The following PRKN variants were observed in gnomAD, a reference collection of about 807,000 sequenced individuals.
PRKN encodes E3 ubiquitin-protein ligase parkin.
PRKN carries 56 observed loss-of-function variants against 59.5 expected under a neutral mutation model. That is an observed-to-expected ratio of 0.94 (90% CI 0.76 to 1.18). The LOEUF (loss-of-function observed/expected upper bound fraction) is 1.18, where lower values mean the gene tolerates loss of function less well. Ranked by LOEUF, PRKN falls within the 50% of genes most tolerant of loss-of-function variation. The pLI is 0.00. For missense variants in PRKN, 657 were observed against 596.4 expected (o/e 1.10, Z -1.06); for synonymous variants, 250 against 222.1 (o/e 1.13, Z -1.12).
Position 161,456,743 on chromosome 6 carries a change from A to G in PRKN, c.1084-69866T>C, listed in dbSNP as rs1007472758. Among the ~76,000 whole-genome samples, 6 of 152,166 alleles carry G rather than the reference A, an allele frequency of 3.9e-5. No homozygotes were observed. The highest frequency in any genetic ancestry group is 1.4e-4 in the African/African-American group (6 of 41,436). On this transcript the variant is annotated intron_variant, in intron 9 of 11. Coordinates refer to ENST00000366898, the MANE Select transcript of PRKN (RefSeq NM_004562.3). The surrounding 1 kb of genome is among the most constrained non-coding windows in gnomAD (Gnocchi z 4.8). ...GAATGCTGACCTGGGTCTGCTTTGT[A>G]TGGGTGGTCAGAGGGTGAAAGGGTC...
chr6:162,709,848 A>T (rs1584094289), intron 1 of PRKN, among the ~76,000 whole-genome samples: 1 of 143,486 alleles, frequency 7.0e-6, no homozygotes, highest in African/African-American at 2.6e-5. Flanking sequence ...ATATAAAAAA[A>T]TCTCCCTGGA....
chr6:162,139,992 T>A (rs540122762), intron 4 of PRKN, among the ~76,000 whole-genome samples: 1 of 152,344 alleles, frequency 6.6e-6, no homozygotes, highest in East Asian at 1.9e-4. Context: ...GGAAACTTAA[T>A]GTCACCAATG....
chr6:162,582,218 C>A (rs1780819271), intron 1 of PRKN, among the ~76,000 whole-genome samples: 1 of 152,114 alleles, frequency 6.6e-6, no homozygotes, highest in African/African-American at 2.4e-5. Flanking sequence ...GCAAAGGATG[C>A]CTTGCAGGAG....
In PRKN at chr6:161,527,172, A is replaced by G. The variant is rs1779045641; in HGVS notation, c.1083+21682T>C. On this transcript the variant is annotated intron_variant, in intron 9 of 11. Coordinates refer to ENST00000366898, the MANE Select transcript of PRKN (RefSeq NM_004562.3). The surrounding 1 kb of genome is among the most constrained non-coding windows in gnomAD (Gnocchi z 4.6). The stretch of plus-strand genomic sequence containing the variant: ...CTATGACAATTATTTTCCTTTATAG[A>G]TATAGATTTCTTTTACAAAAGAACA... Among the ~76,000 whole-genome samples the G allele has an allele frequency of 6.6e-6, 1 of 152,160 alleles. No individual in the cohort carries two copies. The highest frequency in any genetic ancestry group is 2.1e-4 in the South Asian group (1 of 4,832).
intron 9 of PRKN, among the ~76,000 whole-genome samples, chr6:161,416,353 A>G (rs1315980844): frequency 6.6e-6 from 1 of 151,974 alleles, no homozygotes; most frequent in African/African-American, 2.4e-5. Flanking sequence ...CCCCGAGGAG[A>G]GCGCACACAC....
chr6:161,923,892 C>T (rs1778872674), intron 6 of PRKN, among the ~76,000 whole-genome samples: 1 of 152,110 alleles, frequency 6.6e-6, no homozygotes, highest in African/African-American at 2.4e-5. Context: ...TTGTACTTTG[C>T]CTAGGAAAGA....
intron 1 of PRKN, among the ~76,000 whole-genome samples, chr6:162,723,948 G>T (rs890887437): frequency 6.6e-6 from 1 of 152,242 alleles, no homozygotes; most frequent in East Asian, 1.9e-4. Flanking sequence ...TCCAATGAAT[G>T]GTTTTTGTCA....
intron 7 of PRKN, among the ~76,000 whole-genome samples, chr6:161,722,054 T>C (rs1787243543): frequency 6.6e-6 from 1 of 152,170 alleles, no homozygotes; most frequent in Non-Finnish European, 1.5e-5. Flanking sequence ...TCTGGGAAAC[T>C]GGCCTCTAAA....
rs1205934813 is a variant in PRKN at position 161,849,028 on chromosome 6, G to T, written c.735-63120C>A. ...AAAGGAAAATGACTCCTCAGTGACT[G>T]TTAGCCCTCGAGGCAGTTCCAGATG... On this transcript the variant is annotated intron_variant, in intron 6 of 11. Coordinates refer to ENST00000366898, the MANE Select transcript of PRKN (RefSeq NM_004562.3). Among the ~76,000 whole-genome samples, 4 of 152,308 alleles carry T rather than the reference G, an allele frequency of 2.6e-5. No individual in the cohort carries two copies. The South Asian group carries it at 6.2e-4, about 24-fold the overall frequency.
At chr6:161,855,356 T>G (rs1236445174) in intron 6 of PRKN, among the ~76,000 whole-genome samples, 4 of 152,210 alleles carry the variant, frequency 2.6e-5, no homozygotes, top group South Asian at 4.1e-4. Context: ...CTACCCTTAT[T>G]TCTTTTATTC....
chr6:161,951,061 C>T (rs1779972629), intron 6 of PRKN, among the ~76,000 whole-genome samples: 1 of 131,784 alleles, frequency 7.6e-6, no homozygotes, highest in African/African-American at 3.1e-5. Context: ...GTTAAGTAAT[C>T]AGTCTAAAAA....
At chr6:161,808,885 G>A (rs1359740614) in intron 6 of PRKN, among the ~76,000 whole-genome samples, 1 of 152,132 alleles carries the variant, frequency 6.6e-6, no homozygotes, top group Non-Finnish European at 1.5e-5. Flanking sequence ...CTGTTGCTGA[G>A]GCTGGAGCGC....
intron 1 of PRKN, among the ~76,000 whole-genome samples, chr6:162,479,203 TA>T (rs538985562): frequency 2.3e-4 from 33 of 144,584 alleles, no homozygotes; most frequent in Non-Finnish European, 2.6e-4. Context: ...TTTTCCACCT[TA>T]AAAAAAAAAA....
intron 1 of PRKN, among the ~76,000 whole-genome samples, chr6:162,562,750 G>C (rs546537758): frequency 6.6e-6 from 1 of 152,174 alleles, no homozygotes; most frequent in African/African-American, 2.4e-5. Flanking sequence ...CCTACCCAGA[G>C]AGCCTGGCAG....
At chr6:161,758,990 A>AAG (rs1357632350) in intron 7 of PRKN, among the ~76,000 whole-genome samples, 2 of 152,136 alleles carry the variant, frequency 1.3e-5, no homozygotes, top group Non-Finnish European at 2.9e-5. Flanking sequence ...CAGCCTGGCC[A>AAG]AGATGGTGAA....
intron 3 of PRKN, among the ~76,000 whole-genome samples, chr6:162,217,560 G>T (rs541386864): frequency 6.6e-6 from 1 of 151,882 alleles, no homozygotes; most frequent in Admixed American, 6.6e-5. Flanking sequence ...AATTTTTTGT[G>T]TGTGTATTTT....
intron 9 of PRKN, among the ~76,000 whole-genome samples, chr6:161,486,868 T>C (rs1791672620): frequency 6.6e-6 from 1 of 152,208 alleles, no homozygotes; most frequent in African/African-American, 2.4e-5. Context: ...CATACACTCT[T>C]TAATCAAGGA....
chr6:161,536,247 T>C (rs1037017267), intron 9 of PRKN, among the ~76,000 whole-genome samples: 2 of 151,972 alleles, frequency 1.3e-5, no homozygotes, highest in African/African-American at 4.8e-5. Flanking sequence ...AGTCCAACCA[T>C]GGAGTGGCTT....
intron 1 of PRKN, among the ~76,000 whole-genome samples, chr6:162,522,833 A>G (rs887096327): frequency 2.0e-5 from 3 of 152,244 alleles, no homozygotes; most frequent in Non-Finnish European, 1.5e-5. Context: ...ACAGAGTTAT[A>G]ACTTCAGACT....
Sources: gnomAD v4.1 joint callset for allele counts (sites outside exome capture counted in the v4.1 genomes callset) on GRCh38, gnomAD v4.1.1 for gene constraint, Gnocchi (gnomAD v3.1) non-coding constraint, MANE v1.5 for transcripts, NCBI Gene and HGNC (gene_info 2026-07-23, HGNC 2026-07-21) for gene names.